The following HMGCLL1 variants were observed in gnomAD, a reference collection of about 807,000 sequenced individuals.
The protein encoded by HMGCLL1 is 3-hydroxymethyl-3-methylglutaryl-CoA lyase, cytoplasmic.
Under a neutral mutation model 39.1 loss-of-function variants are expected in HMGCLL1, and 36 were observed. The observed-to-expected ratio is 0.92, with a 90% CI of 0.71 to 1.22. The LOEUF (loss-of-function observed/expected upper bound fraction) is 1.22, where lower values mean the gene tolerates loss of function less well. Ranked by LOEUF, HMGCLL1 falls within the 50% of genes most tolerant of loss-of-function variation. HMGCLL1 has a pLI of 0.00. For missense variants in HMGCLL1, 451 were observed against 416.5 expected (o/e 1.08, Z -0.72); for synonymous variants, 149 against 144.0 (o/e 1.03, Z -0.25).
intron 7 of HMGCLL1, among the ~76,000 whole-genome samples, chr6:55,494,060 T>C (rs1343959469): frequency 6.6e-6 from 1 of 152,070 alleles, no homozygotes; most frequent in Admixed American, 6.6e-5. Flanking sequence ...TTAGATATGA[T>C]TGCAACAATT....
At chr6:55,500,154 G>A (rs532695398) in intron 5 of HMGCLL1, among the ~76,000 whole-genome samples, 7 of 151,976 alleles carry the variant, frequency 4.6e-5, no homozygotes, top group Non-Finnish European at 1.0e-4. Context: ...AAATGAGGCT[G>A]GAGATCGAAT....
intron 1 of HMGCLL1, among the ~76,000 whole-genome samples, chr6:55,576,924 A>G (rs1392434418): frequency 6.6e-6 from 1 of 152,202 alleles, no homozygotes; most frequent in African/African-American, 2.4e-5. Flanking sequence ...TCAAATGAGC[A>G]GCTGAACATC....
chr6:55,669,493 A>G, the HMGCLL1 span, among the ~76,000 whole-genome samples: 2 of 151,894 alleles, frequency 1.3e-5, no homozygotes, highest in Non-Finnish European at 2.9e-5. Flanking sequence ...TATGAAGAAA[A>G]AAATAATCTA....
rs762775214 is a variant in HMGCLL1, at chr6:55,514,058, G to A, written c.532C>T (p.Pro178Ser). Residue 178 changes from proline to serine, a missense_variant, in exon 5 of 9, where the codon CCA becomes TCA. Coordinates refer to ENST00000274901, the MANE Select transcript of HMGCLL1 (RefSeq NM_001042406.2). ...VVKSARHMNI[P>S]ARGYVSCALG... ...GGATTTCATAAGTACCCTCGTGCTG[G>A]AATATTCATGTGTCTTGCAGACTTA... 1 of 1,611,042 alleles carries A rather than the reference G, an allele frequency of 6.2e-7. No individual in the cohort carries two copies. The highest frequency in any genetic ancestry group is 1.1e-5 in the South Asian group (1 of 90,336).
chr6:55,468,710 G>T (rs559473860), intron 7 of HMGCLL1, among the ~76,000 whole-genome samples: 1 of 151,980 alleles, frequency 6.6e-6, no homozygotes, highest in Admixed American at 6.6e-5. Context: ...GAAAAATTAA[G>T]TAATTTGCCT....
rs1334171546 is a variant in HMGCLL1 at position 55,543,188 on chromosome 6, A to ATATATT, written c.109-1049_109-1048insAATATA. ...ATATAATATATAATATATAATATATAATATATTATATATTATATATTATAT... is the reference window on the plus strand; with the variant it reads ...ATATAATATATAATATATAATATATATATATTATATATTATATATTATATATTATAT... On this transcript the variant is annotated intron_variant, in intron 1 of 8. Coordinates refer to ENST00000274901, the MANE Select transcript of HMGCLL1 (RefSeq NM_001042406.2). Among the ~76,000 whole-genome samples, 50 of 7,342 alleles carry ATATATT rather than the reference A, an allele frequency of 6.8e-3. 5 individuals are homozygous for ATATATT. The highest frequency in any genetic ancestry group is 0.02 in the South Asian group (3 of 150). 4.8% of individuals were successfully genotyped at this position (7,342 alleles called of 152,430 possible).
At chr6:55,574,676 C>T (rs1771678365) in intron 1 of HMGCLL1, among the ~76,000 whole-genome samples, 1 of 151,754 alleles carries the variant, frequency 6.6e-6, no homozygotes, top group Non-Finnish European at 1.5e-5. Context: ...CAGTTTGGTC[C>T]CTGTCTGAAA....
the HMGCLL1 span, among the ~76,000 whole-genome samples, chr6:55,602,519 TC>T: frequency 6.6e-6 from 1 of 152,018 alleles, no homozygotes; most frequent in East Asian, 1.9e-4. Flanking sequence ...ATTTGCAACT[TC>T]TGGTGAACTT....
the HMGCLL1 span, among the ~76,000 whole-genome samples, chr6:55,600,432 A>T: frequency 6.6e-6 from 1 of 152,152 alleles, no homozygotes; most frequent in South Asian, 2.1e-4. Flanking sequence ...GATGTGTAAA[A>T]TTATTCAGAT....
chr6:55,627,253 A>C, the HMGCLL1 span, among the ~76,000 whole-genome samples: 27 of 152,158 alleles, frequency 1.8e-4, no homozygotes, highest in African/African-American at 6.3e-4. Flanking sequence ...CACTTGTATT[A>C]AGAAAATATC....
the HMGCLL1 span, among the ~76,000 whole-genome samples, chr6:55,666,381 A>G: frequency 6.6e-6 from 1 of 151,834 alleles, no homozygotes; most frequent in Admixed American, 6.6e-5. Flanking sequence ...TTCAGAAATC[A>G]GTTACTGTAC....
intron 7 of HMGCLL1, among the ~76,000 whole-genome samples, chr6:55,449,921 T>A (rs1581792481): frequency 2.2e-5 from 1 of 45,650 alleles, no homozygotes; most frequent in African/African-American, 9.6e-5. Context: ...ATTGCTACTA[T>A]TTTTTTTTTA....
chr6:55,678,567 C>T, the HMGCLL1 span, among the ~76,000 whole-genome samples: 980 of 152,106 alleles, frequency 6.4e-3, 12 homozygotes, highest in Middle Eastern at 0.068. Flanking sequence ...AAAAGAGGAA[C>T]CATCGAGAGA....
rs142875229 is a variant in HMGCLL1, at chr6:55,555,962, T to C, written c.109-13822A>G. On this transcript the variant is annotated intron_variant, in intron 1 of 8. Coordinates refer to ENST00000274901, the MANE Select transcript of HMGCLL1 (RefSeq NM_001042406.2). ...AGGTAGAGTTGAACATTTCCATTGG[T>C]ATTACTGGCCATAATAAAGATTTTT... 6.2e-4 allele frequency among the ~76,000 whole-genome samples: 95 copies of C among 152,238 alleles called. 1 individual carries two copies. In the East Asian group the frequency reaches 0.017, roughly 28 times the overall value.
rs373749321 is a variant in HMGCLL1 at position 55,485,638 on chromosome 6, AAAGAAC to A, written c.795+9775_795+9780del. 3.7e-4 allele frequency among the ~76,000 whole-genome samples: 57 copies of A among 152,188 alleles called. 1 individual carries two copies. Among genetic ancestry groups the A allele is most frequent in the African/African-American group, 1.3e-3 (56 of 41,558 alleles). ...AAAAACATTTCAATACAGAGTAGACAAAGAACAAGAACAACAATTAATTTAAAAAAT... is the reference window on the plus strand; with the variant it reads ...AAAAACATTTCAATACAGAGTAGACAAAGAACAACAATTAATTTAAAAAAT... On this transcript the variant is annotated intron_variant, in intron 7 of 8. Coordinates refer to ENST00000274901, the MANE Select transcript of HMGCLL1 (RefSeq NM_001042406.2).
intron 3 of HMGCLL1, among the ~76,000 whole-genome samples, chr6:55,525,479 C>T (rs1430647994): frequency 1.3e-5 from 2 of 151,926 alleles, no homozygotes; most frequent in South Asian, 4.1e-4. Context: ...ATTTTAATTA[C>T]ATCTAACTGA....
intron 7 of HMGCLL1, among the ~76,000 whole-genome samples, chr6:55,447,208 G>A (rs1464540843): frequency 6.6e-6 from 1 of 151,858 alleles, no homozygotes; most frequent in Non-Finnish European, 1.5e-5. Context: ...GATACTATAT[G>A]AGCTACTGTA....
chr6:55,529,133 C>T (rs1283162949), intron 3 of HMGCLL1, among the ~76,000 whole-genome samples: 1 of 152,060 alleles, frequency 6.6e-6, no homozygotes, highest in Non-Finnish European at 1.5e-5. Flanking sequence ...GACCACCCTC[C>T]TGGTCTTCCC....
At chr6:55,633,352 TG>T in the HMGCLL1 span, among the ~76,000 whole-genome samples, 1 of 151,882 alleles carries the variant, frequency 6.6e-6, no homozygotes, top group African/African-American at 2.4e-5. Context: ...AGTTATTAGT[TG>T]TTCATGGAAA....
Sources: allele counts gnomAD v4.1 joint callset (sites outside exome capture counted in the v4.1 genomes callset), GRCh38; gene constraint gnomAD v4.1.1; transcripts MANE v1.5; gene names NCBI Gene and HGNC (gene_info 2026-07-23, HGNC 2026-07-21).